The following PNPLA7 variants were observed in gnomAD, a reference collection of about 807,000 sequenced individuals.
PNPLA7 encodes the protein patatin-like phospholipase domain-containing protein 7.
Under a neutral mutation model 161.7 loss-of-function variants are expected in PNPLA7, and 153 were observed. The ratio of observed to expected loss-of-function variants is 0.95; its 90% CI spans 0.83 to 1.08. The LOEUF is 1.08. PNPLA7 is among the 50% of genes least tolerant of loss of function. The pLI is 0.00. For missense variants in PNPLA7, 1,739 were observed against 1,856.6 expected (o/e 0.94, Z 1.16); for synonymous variants, 809 against 782.1 (o/e 1.03, Z -0.57).
intron 12 of PNPLA7, 81 bp from the exon 13 acceptor site, chr9:137,506,164 G>T: frequency 8.3e-7 from 1 of 1,202,438 alleles, no homozygotes; most frequent in Middle Eastern, 1.9e-4. Context: ...AGCACACCCT[G>T]CAGTCTAACC....
intron 32 of PNPLA7, 71 bp downstream of exon 32, chr9:137,461,860 G>T: frequency 7.0e-7 from 1 of 1,435,830 alleles, no homozygotes; most frequent in Non-Finnish European, 9.3e-7. Flanking sequence ...CTGATGAACT[G>T]GGCGTGGGCG....
At chr9:137,484,141 G>A (rs1323013779) in intron 21 of PNPLA7, among the ~76,000 whole-genome samples, 1 of 151,588 alleles carries the variant, frequency 6.6e-6, no homozygotes, top group Non-Finnish European at 1.5e-5. Context: ...TTACCATGTT[G>A]GCCAGGCTGG....
In PNPLA7 at chr9:137,460,447, G is replaced by A; in HGVS notation, c.3975C>T (p.His1325=). Residue 1325 remains histidine, a synonymous_variant, in exon 35 of 35, where the codon CAC becomes CAT. Coordinates refer to ENST00000406427, the MANE Select transcript of PNPLA7 (RefSeq NM_001098537.3). ...ACAGTTTTGGGAAAGCCAGACTGGG[G>A]TGTCGATGCCGCAGTGAGGACTCGT... ...LEDESSLRHR[H]PSLAFPKLSE... The A allele has an allele frequency of 6.2e-7, 1 of 1,612,756 alleles. No homozygotes were observed. Among genetic ancestry groups the A allele is most frequent in the South Asian group, 1.1e-5 (1 of 91,086 alleles).
chr9:137,544,284 G>A (rs1457721876), intron 4 of PNPLA7, among the ~76,000 whole-genome samples: 3 of 152,088 alleles, frequency 2.0e-5, no homozygotes, highest in Non-Finnish European at 4.4e-5. Flanking sequence ...CTGCTTGACT[G>A]CCCAGAATAG....
rs942474247 is a variant in PNPLA7, at chr9:137,467,857, C to T, written c.2883-384G>A. 1.3e-5 allele frequency among the ~76,000 whole-genome samples: 2 copies of T among 152,118 alleles called. No homozygotes were observed. Among genetic ancestry groups the T allele is most frequent in the Non-Finnish European group, 2.9e-5 (2 of 68,022 alleles). On this transcript the variant is annotated intron_variant, in intron 25 of 34. Transcript: ENST00000406427. The surrounding 1 kb of genome is among the most constrained non-coding windows in gnomAD (Gnocchi z 5.1). Reference sequence around the variant, plus strand: ...AGGTTGCAGTGAGCTGAGATCACACCACTGCACTCCAGCCTGGGAGACAGA... The same window carrying T: ...AGGTTGCAGTGAGCTGAGATCACACTACTGCACTCCAGCCTGGGAGACAGA...
In PNPLA7 at chr9:137,509,150, T is replaced by C. The variant is rs189545545; in HGVS notation, c.1226-3067A>G. 6.4e-5 allele frequency: 10 copies of C among 155,060 alleles called. No individual in the cohort carries two copies. The East Asian group carries it at 1.9e-3, about 30-fold the overall frequency. 9.6% of individuals were successfully genotyped at this position (155,060 alleles called of 1,614,324 possible). A position where few individuals can be genotyped will look rare whatever the true frequency, so the allele number is the denominator to read the frequency against. On this transcript the variant is annotated intron_variant, in intron 12 of 34. Coordinates refer to ENST00000406427, the MANE Select transcript of PNPLA7 (RefSeq NM_001098537.3). ...CATGAGTGAGTTTAGCTGGCATGAGTGAGTTTAGCTGACATGAGTGAGTTA... is the reference window on the plus strand; with the variant it reads ...CATGAGTGAGTTTAGCTGGCATGAGCGAGTTTAGCTGACATGAGTGAGTTA...
intron 12 of PNPLA7, among the ~76,000 whole-genome samples, chr9:137,513,083 T>C (rs966034275): frequency 5.3e-5 from 8 of 152,124 alleles, no homozygotes; most frequent in Admixed American, 4.6e-4. Flanking sequence ...TGGTGTTGGG[T>C]AAATTATCAC....
chr9:137,499,868 C>A lies in PNPLA7; in HGVS notation c.1757+823G>T, dbSNP rs1833284410. On this transcript the variant is annotated intron_variant, in intron 16 of 34. Transcript: ENST00000406427. This position sits in a 1 kb window ranked among gnomAD's most constrained non-coding sequence, Gnocchi z 5.5. The stretch of plus-strand genomic sequence containing the variant: ...CTCTCCTGCTGCCCAACCACTCAGG[C>A]AGAAGAGCTCTGAGACCACAGCAGA... 6.6e-6 allele frequency among the ~76,000 whole-genome samples: 1 copy of A among 152,260 alleles called. No individual in the cohort carries two copies. Among genetic ancestry groups the A allele is most frequent in the African/African-American group, 2.4e-5 (1 of 41,468 alleles).
intron 21 of PNPLA7, among the ~76,000 whole-genome samples, chr9:137,481,577 G>T (rs918454834): frequency 1.3e-5 from 2 of 152,210 alleles, no homozygotes; most frequent in African/African-American, 4.8e-5. Context: ...AAGATGAGGG[G>T]CTCAGCCTGA....
chr9:137,504,303 C>G (rs1833797597), intron 14 of PNPLA7, among the ~76,000 whole-genome samples: 1 of 152,130 alleles, frequency 6.6e-6, no homozygotes, highest in African/African-American at 2.4e-5. Flanking sequence ...CATCCGTCTC[C>G]CAGGTTCAAG....
At chr9:137,528,810 C>G (rs1835430725) in intron 8 of PNPLA7, among the ~76,000 whole-genome samples, 1 of 152,010 alleles carries the variant, frequency 6.6e-6, no homozygotes, top group Non-Finnish European at 1.5e-5. Context: ...ACGCCATTCT[C>G]CTGCCTCAGC....
intron 12 of PNPLA7, among the ~76,000 whole-genome samples, chr9:137,511,407 C>T (rs1399915774): frequency 1.3e-5 from 2 of 150,134 alleles, no homozygotes; most frequent in African/African-American, 4.9e-5. Flanking sequence ...GGAAGGTACC[C>T]GTTACTCAGC....
rs1831559096 is a variant in PNPLA7 at position 137,468,111 on chromosome 9, C to T, written c.2883-638G>A. Among the ~76,000 whole-genome samples, 1 of 151,968 alleles carries T rather than the reference C, an allele frequency of 6.6e-6. No individual in the cohort carries two copies. The highest frequency in any genetic ancestry group is 1.9e-4 in the East Asian group (1 of 5,166). On this transcript the variant is annotated intron_variant, in intron 25 of 34. Transcript: ENST00000406427. The surrounding 1 kb of genome is among the most constrained non-coding windows in gnomAD (Gnocchi z 4.0). ...CCCTGGAAGGGAGGAGCCTGGGAAG[C>T]ATCCTGAGGGGCAGCACCCCAGGAG...
rs758286648 is a variant in PNPLA7 at position 137,543,431 on chromosome 9, C to T, written c.506+1G>A. The stretch of plus-strand genomic sequence containing the variant: ...CCCCCGGGGCTCATCCCCGCTCTTA[C>T]CGAACGTTTTTCAGCATGTACAGAA... On this transcript the variant is annotated splice_donor_variant, in intron 6 of 34. Coordinates refer to ENST00000406427, the MANE Select transcript of PNPLA7 (RefSeq NM_001098537.3). LOFTEE classifies it high-confidence loss of function. This position sits in a 1 kb window ranked among gnomAD's most constrained non-coding sequence, Gnocchi z 6.9. The T allele has an allele frequency of 3.1e-6, 5 of 1,614,034 alleles. No homozygotes were observed. In the Admixed American group the frequency reaches 5.0e-5, roughly 16 times the overall value.
intron 20 of PNPLA7, 110 bp downstream of exon 20, chr9:137,492,903 G>A (rs1426157268): frequency 1.1e-6 from 1 of 939,412 alleles, no homozygotes. Context: ...CAGGGCTCCA[G>A]GACAGGGCGG....
intron 26 of PNPLA7, among the ~76,000 whole-genome samples, chr9:137,466,831 ACCGTCT>A (rs1831493705): frequency 7.2e-6 from 1 of 139,424 alleles, no homozygotes; most frequent in African/African-American, 2.8e-5. Context: ...ACCTCCCACC[ACCGTCT>A]CCATCACCTC....
Position 137,460,464 on chromosome 9 carries a change from A to C in PNPLA7, c.3958T>G (p.Ser1320Ala). The C allele has an allele frequency of 6.2e-7, 1 of 1,612,594 alleles. No individual in the cohort carries two copies. Among genetic ancestry groups the C allele is most frequent in the Non-Finnish European group, 8.5e-7 (1 of 1,179,908 alleles). ...AGACTGGGGTGTCGATGCCGCAGTG[A>C]GGACTCGTCCTCCTGCAAGCAGACC... is the stretch of plus-strand genomic sequence containing the variant. ...QQGSDLEDES[S>A]LRHRHPSLAF... Residue 1320 changes from serine to alanine, a missense_variant, in exon 35 of 35, where the codon TCA becomes GCA. This residue lies in a region of PNPLA7 where 703 missense variants were observed against 694.6 expected (regional missense o/e 1.01). Transcript: ENST00000406427.
chr9:137,478,319 G>A, intron 24 of PNPLA7, 167 bp from the exon 25 acceptor site: 1 of 466,268 alleles, frequency 2.1e-6, no homozygotes, highest in Non-Finnish European at 3.5e-6. Context: ...CAGCACCTCA[G>A]TGCCCGGACC....
chr9:137,518,719 C>T (rs1291040153), intron 11 of PNPLA7, among the ~76,000 whole-genome samples: 8 of 75,794 alleles, frequency 1.1e-4, no homozygotes, highest in Non-Finnish European at 1.6e-4. Context: ...CCATCCCCCA[C>T]TCACTCACTC....
Sources: allele counts gnomAD v4.1 joint callset (sites outside exome capture counted in the v4.1 genomes callset), GRCh38; gene constraint gnomAD v4.1.1; regional missense constraint gnomAD v4.1.1; non-coding constraint Gnocchi (gnomAD v3.1); transcripts MANE v1.5; gene names NCBI Gene and HGNC (gene_info 2026-07-23, HGNC 2026-07-21).